FAF1: variants seen among roughly 807,000 people sequenced by gnomAD.
FAF1 encodes the protein FAS-associated factor 1.
In FAF1, 25 loss-of-function variants were observed where a neutral mutation model predicts 92.5. The ratio of observed to expected loss-of-function variants is 0.27; its 90% CI spans 0.20 to 0.38. The LOEUF (loss-of-function observed/expected upper bound fraction) is 0.38. Among genes scored for constraint, FAF1 ranks in the 10% least tolerant of loss-of-function variants. The pLI is 1.00. For missense variants in FAF1, 636 were observed against 793.3 expected (o/e 0.80, Z 2.38); for synonymous variants, 234 against 273.2 (o/e 0.86, Z 1.42).
chr1:50,605,502 T>C (rs1652336542), intron 8 of FAF1, among the ~76,000 whole-genome samples: 1 of 152,180 alleles, frequency 6.6e-6, no homozygotes, highest in South Asian at 2.1e-4. Context: ...CAAGATGTTA[T>C]TTGTAAGGCA....
intron 1 of FAF1, among the ~76,000 whole-genome samples, chr1:50,919,391 T>C (rs558201607): frequency 5.3e-5 from 8 of 151,850 alleles, no homozygotes; most frequent in Admixed American, 3.9e-4. Flanking sequence ...AAAACAATTC[T>C]AAGCAAAAAT....
chr1:50,450,503 A>T (rs1646282516), intron 18 of FAF1, among the ~76,000 whole-genome samples: 2 of 152,208 alleles, frequency 1.3e-5, no homozygotes, highest in Admixed American at 1.3e-4. Context: ...AACATGACTA[A>T]CTGGCTTTCT....
chr1:50,898,392 A>G (rs1264520955), intron 1 of FAF1, among the ~76,000 whole-genome samples: 1 of 152,220 alleles, frequency 6.6e-6, no homozygotes, highest in Non-Finnish European at 1.5e-5. Flanking sequence ...TGATATCTAT[A>G]CCTATACAGA....
chr1:50,594,173 G>A (rs1200050184), intron 9 of FAF1, among the ~76,000 whole-genome samples: 9 of 151,804 alleles, frequency 5.9e-5, no homozygotes, highest in Non-Finnish European at 1.2e-4. Flanking sequence ...AATTGAGCCG[G>A]GTGTGGTGGT....
At chr1:50,944,180 CTGTT>C (rs1407427660) in intron 1 of FAF1, among the ~76,000 whole-genome samples, 2 of 152,148 alleles carry the variant, frequency 1.3e-5, no homozygotes, top group Non-Finnish European at 2.9e-5. Flanking sequence ...CCAACCACTG[CTGTT>C]TCCAGTAGAC....
At chr1:50,894,783 C>A (rs892216285) in intron 1 of FAF1, among the ~76,000 whole-genome samples, 1 of 151,950 alleles carries the variant, frequency 6.6e-6, no homozygotes, top group Non-Finnish European at 1.5e-5. Context: ...GGTCAATGAA[C>A]AAATTAAGGA....
intron 7 of FAF1, among the ~76,000 whole-genome samples, chr1:50,703,764 T>C (rs1238421833): frequency 6.6e-6 from 1 of 152,178 alleles, no homozygotes; most frequent in Non-Finnish European, 1.5e-5. Flanking sequence ...ATAATCTACA[T>C]AGCAGGCCAC....
chr1:50,830,992 T>C (rs1644147655), intron 2 of FAF1, among the ~76,000 whole-genome samples: 1 of 152,208 alleles, frequency 6.6e-6, no homozygotes, highest in Admixed American at 6.5e-5. Context: ...TAAAGCTACA[T>C]TAAGGAAAAC....
chr1:50,847,107 T>G (rs1297226455), intron 2 of FAF1, among the ~76,000 whole-genome samples: 2 of 152,196 alleles, frequency 1.3e-5, no homozygotes, highest in Non-Finnish European at 2.9e-5. Context: ...ACTTTTCCCC[T>G]TACAACAGTA....
chr1:50,589,503 G>A (rs1651401116), intron 9 of FAF1, among the ~76,000 whole-genome samples: 1 of 152,094 alleles, frequency 6.6e-6, no homozygotes, highest in Admixed American at 6.5e-5. Flanking sequence ...TTGCAGCTCT[G>A]GGTCTTTGCC....
intron 13 of FAF1, among the ~76,000 whole-genome samples, chr1:50,545,329 C>T (rs993515653): frequency 2.6e-5 from 4 of 152,142 alleles, no homozygotes; most frequent in African/African-American, 9.7e-5. Context: ...GGCTGGAGTG[C>T]AGTGATGCCA....
intron 4 of FAF1, among the ~76,000 whole-genome samples, chr1:50,763,754 T>A (rs1490024712): frequency 2.0e-5 from 3 of 152,222 alleles, no homozygotes; most frequent in African/African-American, 7.2e-5. Flanking sequence ...TTTGTTAATA[T>A]CATAGCAAAG....
At chr1:50,630,232 T>G (rs1449297286) in intron 8 of FAF1, among the ~76,000 whole-genome samples, 1 of 152,180 alleles carries the variant, frequency 6.6e-6, no homozygotes, top group Non-Finnish European at 1.5e-5. Flanking sequence ...TGGAGTCAAG[T>G]CACAAAAATA....
At chr1:50,860,684 G>A (rs2124669208) in intron 1 of FAF1, among the ~76,000 whole-genome samples, 1 of 151,894 alleles carries the variant, frequency 6.6e-6, no homozygotes, top group Non-Finnish European at 1.5e-5. Flanking sequence ...TACTACAAAA[G>A]CAGTTTGTAG....
intron 6 of FAF1, among the ~76,000 whole-genome samples, chr1:50,724,039 A>G (rs1658520632): frequency 6.6e-6 from 1 of 151,914 alleles, no homozygotes; most frequent in Admixed American, 6.6e-5. Flanking sequence ...GTGAGCCACC[A>G]CACCCAGCAC....
intron 17 of FAF1, among the ~76,000 whole-genome samples, chr1:50,480,839 A>G (rs1440349738): frequency 6.6e-6 from 1 of 152,186 alleles, no homozygotes; most frequent in East Asian, 1.9e-4. Context: ...CGTCCTTCAG[A>G]AGGTATTCCA....
At chr1:50,728,206 G>A (rs1306465251) in intron 6 of FAF1, among the ~76,000 whole-genome samples, 2 of 152,158 alleles carry the variant, frequency 1.3e-5, no homozygotes, top group African/African-American at 2.4e-5. Context: ...GGGGCATCAA[G>A]AAAAGCCTCT....
At chr1:50,621,079 C>A (rs1223321757) in intron 8 of FAF1, among the ~76,000 whole-genome samples, 2 of 152,240 alleles carry the variant, frequency 1.3e-5, no homozygotes, top group African/African-American at 2.4e-5. Flanking sequence ...GGTGGGGGCT[C>A]CTCCCCTGCT....
chr1:50,709,549 G>C lies in FAF1; in HGVS notation c.552-3658C>G, dbSNP rs113574655. Among the ~76,000 whole-genome samples the C allele has an allele frequency of 3.0e-3, 458 of 152,240 alleles. 4 individuals are homozygous for C. Among genetic ancestry groups the C allele is most frequent in the African/African-American group, 0.01 (433 of 41,534 alleles). ...ATTTTACTCACAAAATTATACTTCT[G>C]AAAGGTTAATTGCCCCTGGTCATCA... On this transcript the variant is annotated intron_variant, in intron 6 of 18. Coordinates refer to ENST00000396153, the MANE Select transcript of FAF1 (RefSeq NM_007051.3).
Sources: allele counts gnomAD v4.1 joint callset (sites outside exome capture counted in the v4.1 genomes callset), GRCh38; gene constraint gnomAD v4.1.1; transcripts MANE v1.5; gene names NCBI Gene and HGNC (gene_info 2026-07-23, HGNC 2026-07-21).